LRBA: variants seen among roughly 807,000 people sequenced by gnomAD.
LRBA encodes lipopolysaccharide-responsive and beige-like anchor protein.
LRBA carries 176 observed loss-of-function variants against 330.0 expected under a neutral mutation model. That is an observed-to-expected ratio of 0.53 (90% CI 0.47 to 0.60). The LOEUF is 0.60. LRBA is among the 20% of genes least tolerant of loss of function. The pLI is 0.00. For synonymous variants in LRBA, 1,230 were observed against 1,193.0 expected, an observed-to-expected ratio of 1.03 and a Z score of -0.64; for missense variants, 3,259 against 3,444.8, an observed-to-expected ratio of 0.95 and a Z score of 1.35.
intron 47 of LRBA, among the ~76,000 whole-genome samples, chr4:150,392,977 T>G (rs1176717901): frequency 6.6e-6 from 1 of 151,570 alleles, no homozygotes; most frequent in Non-Finnish European, 1.5e-5. Flanking sequence ...GTAACAAACC[T>G]GCATGTTCCG....
intron 37 of LRBA, among the ~76,000 whole-genome samples, chr4:150,620,259 C>T (rs1207542419): frequency 6.6e-6 from 1 of 152,034 alleles, no homozygotes; most frequent in African/African-American, 2.4e-5. Context: ...AATGAGATAC[C>T]ACCCTACTCC....
chr4:150,979,271 C>T (rs1166443697), intron 2 of LRBA, among the ~76,000 whole-genome samples: 3 of 152,162 alleles, frequency 2.0e-5, no homozygotes, highest in Non-Finnish European at 4.4e-5. Context: ...AACTCTTACC[C>T]TAGAATATTA....
chr4:150,696,097 G>A (rs1554081485), intron 36 of LRBA, among the ~76,000 whole-genome samples: 2 of 152,060 alleles, frequency 1.3e-5, no homozygotes, highest in Non-Finnish European at 2.9e-5. Context: ...GGGCATGGTG[G>A]CATGCACCTG....
chr4:150,370,515 G>A (rs767172728), intron 47 of LRBA, among the ~76,000 whole-genome samples: 6 of 152,152 alleles, frequency 3.9e-5, no homozygotes, highest in Non-Finnish European at 7.4e-5. Flanking sequence ...AAGATCAGTG[G>A]TTGCCAGGAG....
chr4:150,644,701 T>C (rs547186934), intron 37 of LRBA, among the ~76,000 whole-genome samples: 18 of 152,050 alleles, frequency 1.2e-4, no homozygotes, highest in African/African-American at 2.2e-4. Context: ...TTTGAAGTGA[T>C]TGAAAAACGA....
chr4:150,821,338 C>T (rs768751950), intron 30 of LRBA, among the ~76,000 whole-genome samples: 1 of 151,842 alleles, frequency 6.6e-6, no homozygotes, highest in Non-Finnish European at 1.5e-5. Context: ...TGTGGGGCAC[C>T]GTGCTTAAGA....
chr4:150,926,702 T>C (rs1733918898), intron 4 of LRBA, among the ~76,000 whole-genome samples: 1 of 152,058 alleles, frequency 6.6e-6, no homozygotes, highest in African/African-American at 2.4e-5. Context: ...CAACTATTCA[T>C]ATGCTAAATA....
At chr4:150,949,397 G>A (rs1344707179) in intron 2 of LRBA, among the ~76,000 whole-genome samples, 9 of 152,056 alleles carry the variant, frequency 5.9e-5, no homozygotes, top group African/African-American at 2.2e-4. Context: ...GAACAGATTG[G>A]TGGTTGCCAG....
At chr4:150,559,652 A>G (rs1561350737) in intron 40 of LRBA, among the ~76,000 whole-genome samples, 1 of 48,912 alleles carries the variant, frequency 2.0e-5, no homozygotes. Context: ...ATAATATAAT[A>G]TATAATTATA....
Position 150,878,246 on chromosome 4 carries a change from G to A in LRBA, c.2166-5491C>T, listed in dbSNP as rs558128565. The stretch of plus-strand genomic sequence containing the variant: ...CCCAGCTACTCAGGAGGCTGAGGCA[G>A]GAGAGTCACTTGAACCTGGGAGGCA... On this transcript the variant is annotated intron_variant, in intron 17 of 56. Transcript: ENST00000651943. 2.0e-5 allele frequency among the ~76,000 whole-genome samples: 3 copies of A among 152,180 alleles called. 1 individual carries two copies. In the South Asian group the frequency reaches 6.2e-4, roughly 32 times the overall value.
intron 47 of LRBA, among the ~76,000 whole-genome samples, chr4:150,364,245 C>T (rs969464708): frequency 6.6e-6 from 1 of 152,206 alleles, no homozygotes; most frequent in African/African-American, 2.4e-5. Flanking sequence ...CACCACCACA[C>T]TATAACAATA....
intron 40 of LRBA, among the ~76,000 whole-genome samples, chr4:150,524,307 A>C (rs1216172848): frequency 2.6e-5 from 4 of 152,172 alleles, no homozygotes; most frequent in African/African-American, 9.7e-5. Flanking sequence ...AAATGATTGT[A>C]CTCCATAATT....
At chr4:150,285,759 GA>G (rs1748065075) in intron 54 of LRBA, among the ~76,000 whole-genome samples, 173 bp downstream of exon 54, 1 of 152,330 alleles carries the variant, frequency 6.6e-6, no homozygotes, top group South Asian at 2.1e-4. Flanking sequence ...GTGCCACGAA[GA>G]AACTTACATT....
At chr4:150,428,381 T>C (rs771953482) in intron 46 of LRBA, among the ~76,000 whole-genome samples, 12 of 152,070 alleles carry the variant, frequency 7.9e-5, no homozygotes, top group Middle Eastern at 3.4e-3. Context: ...ATGTAGAAAA[T>C]TGAATCATTA....
At chr4:150,865,517 C>T (rs1752561040) in intron 22 of LRBA, among the ~76,000 whole-genome samples, 1 of 152,076 alleles carries the variant, frequency 6.6e-6, no homozygotes, top group African/African-American at 2.4e-5. Context: ...AATACAGTGA[C>T]TAAAACAAAG....
chr4:150,347,213 G>C (rs952598167), intron 48 of LRBA, among the ~76,000 whole-genome samples: 9 of 152,310 alleles, frequency 5.9e-5, no homozygotes, highest in African/African-American at 2.2e-4. Flanking sequence ...ACAGGGACTG[G>C]GGAGGAAGGA....
chr4:150,597,532 AC>A (rs1773642126), intron 38 of LRBA, among the ~76,000 whole-genome samples: 1 of 151,932 alleles, frequency 6.6e-6, no homozygotes, highest in African/African-American at 2.4e-5. Context: ...TTTTACGAAA[AC>A]ATATTGCCAT....
intron 36 of LRBA, among the ~76,000 whole-genome samples, chr4:150,690,316 A>G (rs1196045422): frequency 6.6e-6 from 1 of 152,020 alleles, no homozygotes; most frequent in Non-Finnish European, 1.5e-5. Flanking sequence ...ACCCTAGAAA[A>G]CAAGGTGAAA....
At chr4:150,517,133 T>C (rs1200075455) in intron 40 of LRBA, among the ~76,000 whole-genome samples, 2 of 152,188 alleles carry the variant, frequency 1.3e-5, no homozygotes, top group African/African-American at 2.4e-5. Context: ...TGACTTTATT[T>C]TTGTAAATCA....
Sources: gnomAD v4.1 joint callset for allele counts (sites outside exome capture counted in the v4.1 genomes callset) on GRCh38, gnomAD v4.1.1 for gene constraint, MANE v1.5 for transcripts, NCBI Gene and HGNC (gene_info 2026-07-23, HGNC 2026-07-21) for gene names.